CCNA1: variants seen among roughly 807,000 people sequenced by gnomAD.
CCNA1 encodes cyclin-A1.
A neutral mutation model predicts 54.1 loss-of-function variants in CCNA1; 23 were observed. The ratio of observed to expected loss-of-function variants is 0.42; its 90% confidence interval spans 0.31 to 0.60. CCNA1 has a LOEUF of 0.60. Ranked by LOEUF, CCNA1 falls within the 20% of genes least tolerant of loss-of-function variation. CCNA1 has a pLI of 0.14. For missense variants in CCNA1, 450 were observed against 556.7 expected (o/e 0.81, Z 1.93); for synonymous variants, 208 against 213.9 (o/e 0.97, Z 0.24).
At chr13:36,433,553 T>C (rs1279876440) in intron 2 of CCNA1, among the ~76,000 whole-genome samples, 5 of 149,954 alleles carry the variant, frequency 3.3e-5, no homozygotes, top group Admixed American at 1.3e-4. Context: ...TTCTTTTTTT[T>C]TTTTTGAGAC....
At chr13:36,439,926 G>T (rs1329897822) in intron 5 of CCNA1, 53 bp from the exon 6 acceptor site, 3 of 1,244,616 alleles carry the variant, frequency 2.4e-6, no homozygotes, top group East Asian at 2.3e-5. Context: ...TGGTAGCACA[G>T]GAGTAGAGCC....
At chr13:36,438,492 T>G in intron 4 of CCNA1, 152 bp from the exon 5 acceptor site, 1 of 671,634 alleles carries the variant, frequency 1.5e-6, no homozygotes, top group African/African-American at 1.8e-5. Context: ...AACCAGAAAT[T>G]TACACTTTCT....
rs2137828157 is a variant in CCNA1, at chr13:36,438,721, C to G, written c.747C>G (p.Asp249Glu). The change falls in exon 5 of 9, where the codon GAC becomes GAG. Residue 249 changes from aspartate (D) to glutamate (E), a missense_variant. Transcript: ENST00000255465. ...AAGGCATGCGCACGATTCTGGTGGA[C>G]TGGCTGGTGGAGGTTGGGGAAGAAT... The G allele has an allele frequency of 6.2e-7, 1 of 1,614,066 alleles. No individual in the cohort carries two copies. The highest frequency in any genetic ancestry group is 8.5e-7 in the Non-Finnish European group (1 of 1,179,980).
Position 36,439,074 on chromosome 13 carries a change from AT to A in CCNA1, c.893+208del, listed in dbSNP as rs1472512449. 6.6e-5 allele frequency among the ~76,000 whole-genome samples: 10 copies of A among 152,348 alleles called. No individual in the cohort carries two copies. In the East Asian group the frequency reaches 1.5e-3, roughly 23 times the overall value. The stretch of plus-strand genomic sequence containing the variant: ...CTCTTCAATCACCTGGTTATGATTT[AT>A]AGCAACAAGTTCAGTGTCATGACTA... On this transcript the variant is annotated intron_variant, in intron 5 of 8. Coordinates refer to ENST00000255465, the MANE Select transcript of CCNA1 (RefSeq NM_003914.4).
At position 36,432,612 on chromosome 13, in the gene CCNA1, G is replaced by T. The variant is rs758177732; in HGVS notation, c.-10G>T. On this transcript the variant is annotated 5_prime_UTR_variant, in exon 1 of 9. Coordinates refer to ENST00000255465, the MANE Select transcript of CCNA1 (RefSeq NM_003914.4). ...GAGGCCGCAGCGCAGCACCCTGCTC[G>T]TCACTTGGGATGGAGACCGGCTTTC... 6.4e-6 allele frequency: 10 copies of T among 1,567,840 alleles called. No homozygotes were observed. Among genetic ancestry groups the T allele is most frequent in the Non-Finnish European group, 8.7e-6 (10 of 1,154,830 alleles).
chr13:36,440,167 C>G lies in CCNA1; in HGVS notation c.1082C>G (p.Thr361Ser). 6.2e-7 allele frequency: 1 copy of G among 1,613,986 alleles called. No individual in the cohort carries two copies. Among genetic ancestry groups the G allele is most frequent in the Non-Finnish European group, 8.5e-7 (1 of 1,179,876 alleles). Residue 361 changes from threonine (T) to serine (S), a missense_variant, in exon 6 of 9, where the codon ACT becomes AGT. Physicochemically the swap from Thr to Ser is moderately conservative, Grantham distance 58. Coordinates refer to ENST00000255465, the MANE Select transcript of CCNA1 (RefSeq NM_003914.4). ...AGGCGACAAGGAGTGTGCGTCAGGA[C>G]TGAGAACCTGGCTAAGGTGTGTATG...
Position 36,442,187 on chromosome 13 carries a change from C to T in CCNA1, c.1229C>T (p.Ala410Val). ...CTTGATTAGCCAGAAACCCTTGCTGCATTTACAGGGTATTCATTAAGTGAA... is the reference window on the plus strand; with the variant it reads ...CTTGATTAGCCAGAAACCCTTGCTGTATTTACAGGGTATTCATTAAGTGAA... Residue 410 changes from alanine (A) to valine (V), a missense_variant, in exon 8 of 9, where the codon GCA becomes GTA. Ala to Val is a moderately conservative substitution (Grantham distance 64). Transcript: ENST00000255465. 2 of 1,612,988 alleles carry T rather than the reference C, an allele frequency of 1.2e-6. No homozygotes were observed. Among genetic ancestry groups the T allele is most frequent in the Non-Finnish European group, 1.7e-6 (2 of 1,179,264 alleles).
rs1296244312 is a variant in CCNA1, at chr13:36,438,145, T to C, written c.623T>C (p.Val208Ala). The change falls in exon 4 of 9, where the codon GTG becomes GCG. Residue 208 changes from valine to alanine, a missense_variant. Physicochemically the swap from Val to Ala is moderately conservative, Grantham distance 64. This residue lies in a region of CCNA1 where 150 missense variants were observed against 219.7 expected (regional missense o/e 0.68). Coordinates refer to ENST00000255465, the MANE Select transcript of CCNA1 (RefSeq NM_003914.4). ...AGTCTTGGCACAGATGTGATAAATG[T>C]GACTGAATATGCTGAAGAAATTTAT... is the stretch of plus-strand genomic sequence containing the variant. 3 of 1,613,616 alleles carry C rather than the reference T, an allele frequency of 1.9e-6. No homozygotes were observed. The highest frequency in any genetic ancestry group is 2.5e-6 in the Non-Finnish European group (3 of 1,179,726).
chr13:36,438,553 T>A, intron 4 of CCNA1, 91 bp from the exon 5 acceptor site: 1 of 881,766 alleles, frequency 1.1e-6, no homozygotes, highest in Non-Finnish European at 1.8e-6. Context: ...CTTTCCAACC[T>A]TTGCTTGTGA....
intron 6 of CCNA1, 140 bp downstream of exon 6, chr13:36,440,323 G>A (rs1339754289): frequency 2.7e-6 from 2 of 744,926 alleles, no homozygotes; most frequent in Non-Finnish European, 4.3e-6. Flanking sequence ...TGCTGAAAAA[G>A]AGCTAATTTT....
At position 36,442,763 on chromosome 13, in the gene CCNA1, C is replaced by A; in HGVS notation, c.*98C>A. 1.1e-6 allele frequency: 1 copy of A among 944,038 alleles called. No individual in the cohort carries two copies. Among genetic ancestry groups the A allele is most frequent in the Non-Finnish European group, 1.7e-6 (1 of 589,342 alleles). The allele number at this position is 944,038 out of a possible 1,614,324, so 58.5% of individuals were successfully genotyped here. Reference sequence around the variant, plus strand: ...ACGTTGGATCAACTAATGTTGTTTACAATATAGATGACATTTTAAAAATGT... The same window carrying A: ...ACGTTGGATCAACTAATGTTGTTTAAAATATAGATGACATTTTAAAAATGT... On this transcript the variant is annotated 3_prime_UTR_variant, in exon 9 of 9. Coordinates refer to ENST00000255465, the MANE Select transcript of CCNA1 (RefSeq NM_003914.4).
At chr13:36,438,313 A>G (rs990800775) in intron 4 of CCNA1, 122 bp downstream of exon 4, 17 of 851,744 alleles carry the variant, frequency 2.0e-5, no homozygotes, top group Non-Finnish European at 3.1e-5. Context: ...AAACATAAGA[A>G]TATCTATGAA....
chr13:36,435,313 G>A (rs2055789298), intron 2 of CCNA1, among the ~76,000 whole-genome samples: 1 of 152,176 alleles, frequency 6.6e-6, no homozygotes, highest in Admixed American at 6.5e-5. Flanking sequence ...GTTGATTTAG[G>A]TTGTCATGTT....
In CCNA1 at chr13:36,438,155, TG is replaced by T; in HGVS notation, c.634del (p.Ala212LeufsTer13). ...CAGATGTGATAAATGTGACTGAATA[TG>T]CTGAAGAAATTTATCAGTACCTTAG... On this transcript the variant is annotated frameshift_variant, in exon 4 of 9. Coordinates refer to ENST00000255465, the MANE Select transcript of CCNA1 (RefSeq NM_003914.4). LOFTEE classifies it high-confidence loss of function. 1.9e-6 allele frequency: 3 copies of T among 1,613,772 alleles called. No homozygotes were observed. The South Asian group carries it at 3.3e-5, about 18-fold the overall frequency.
intron 6 of CCNA1, among the ~76,000 whole-genome samples, chr13:36,440,687 C>T (rs981141496): frequency 2.0e-5 from 3 of 152,176 alleles, no homozygotes; most frequent in Non-Finnish European, 4.4e-5. Context: ...AGGATGTCCA[C>T]ATGTTTTACT....
At chr13:36,434,826 G>GCCCCCCCCCCCC (rs368520828) in intron 2 of CCNA1, among the ~76,000 whole-genome samples, 3 of 110,892 alleles carry the variant, frequency 2.7e-5, no homozygotes, top group African/African-American at 1.0e-4. Flanking sequence ...CATGAGAGGT[G>GCCCCCCCCCCCC]CCCCCCCCCC....
At chr13:36,438,607 T>C (rs1156815622) in intron 4 of CCNA1, 37 bp from the exon 5 acceptor site, 6 of 1,445,480 alleles carry the variant, frequency 4.2e-6, no homozygotes, top group Non-Finnish European at 5.8e-6. Flanking sequence ...CTTTCTGAAA[T>C]TGCAACTACT....
At chr13:36,437,571 C>T in intron 2 of CCNA1, 58 bp from the exon 3 acceptor site, 1 of 1,562,334 alleles carries the variant, frequency 6.4e-7, no homozygotes, top group Non-Finnish European at 8.7e-7. Context: ...CATGCAGGTT[C>T]ACATTGCCTC....
chr13:36,438,263 T>C, intron 4 of CCNA1, 72 bp downstream of exon 4: 3 of 1,403,868 alleles, frequency 2.1e-6, no homozygotes, highest in South Asian at 2.7e-5. Context: ...TATAAACTCT[T>C]GGTCCATAAC....
Sources: gnomAD v4.1 joint callset for allele counts (sites outside exome capture counted in the v4.1 genomes callset) on GRCh38, gnomAD v4.1.1 for gene constraint, gnomAD v4.1.1 regional missense constraint, MANE v1.5 for transcripts, NCBI Gene and HGNC (gene_info 2026-07-23, HGNC 2026-07-21) for gene names.